Variants in SH3RF1 observed in about 807,000 individuals in gnomAD.
SH3RF1 encodes the protein SH3 domain containing ring finger 1, also known as E3 ubiquitin-protein ligase SH3RF1.
In SH3RF1, 32 loss-of-function variants were observed where a neutral mutation model predicts 74.0. The ratio of observed to expected loss-of-function variants is 0.43; its 90% CI spans 0.33 to 0.58. The LOEUF (loss-of-function observed/expected upper bound fraction) is 0.58, where lower values mean the gene tolerates loss of function less well. Among genes scored for constraint, SH3RF1 ranks in the 20% least tolerant of loss-of-function variants. The pLI is 0.05. For synonymous variants in SH3RF1, 396 were observed against 439.6 expected, an observed-to-expected ratio of 0.90 and a Z score of 1.24; for missense variants, 954 against 1,130.9, an observed-to-expected ratio of 0.84 and a Z score of 2.24.
At chr4:169,238,567 T>A (rs17054845) in intron 2 of SH3RF1, among the ~76,000 whole-genome samples, 9,354 of 152,246 alleles carry the variant, frequency 0.061, 433 homozygotes, top group Admixed American at 0.15. Flanking sequence ...GAAGTGACTT[T>A]CCAAAAATTG....
intron 3 of SH3RF1, 29 bp from the exon 4 acceptor site, chr4:169,155,604 C>T: frequency 6.7e-7 from 1 of 1,485,096 alleles, no homozygotes; most frequent in Non-Finnish European, 9.4e-7. Context: ...ATTAATCTAC[C>T]TGATCATTAA....
intron 4 of SH3RF1, among the ~76,000 whole-genome samples, chr4:169,147,322 G>A (rs981269380): frequency 6.6e-6 from 1 of 152,208 alleles, no homozygotes; most frequent in Admixed American, 6.5e-5. Context: ...AGGAGGTTAT[G>A]AACATGGAAT....
At chr4:169,209,768 T>C (rs1730327417) in intron 2 of SH3RF1, among the ~76,000 whole-genome samples, 1 of 152,096 alleles carries the variant, frequency 6.6e-6, no homozygotes, top group South Asian at 2.1e-4. Context: ...ATGCAATAAA[T>C]GTTAACTGCT....
At chr4:169,238,794 T>C (rs1317123694) in intron 2 of SH3RF1, among the ~76,000 whole-genome samples, 3 of 152,234 alleles carry the variant, frequency 2.0e-5, no homozygotes, top group Non-Finnish European at 2.9e-5. Context: ...CTATAAAGAA[T>C]TCTCTTATTA....
rs766573781 is a variant in SH3RF1, at chr4:169,156,683, T to C, written c.394-4A>G. 2.3e-6 allele frequency: 3 copies of C among 1,333,274 alleles called. No individual in the cohort carries two copies. Among genetic ancestry groups the C allele is most frequent in the African/African-American group, 1.5e-5 (1 of 67,010 alleles). The allele number at this position is 1,333,274 out of a possible 1,614,324, so 82.6% of individuals were successfully genotyped here. On this transcript the variant is annotated splice_polypyrimidine_tract_variant and splice_region_variant and intron_variant, in intron 2 of 11. Coordinates refer to ENST00000284637, the MANE Select transcript of SH3RF1 (RefSeq NM_020870.4). ...CACATGGTAACTGAGGTATACCCTT[T>C]AAAAAAAAAAGAGGGATGAATTTTA...
At chr4:169,150,424 C>T (rs547559592) in intron 4 of SH3RF1, among the ~76,000 whole-genome samples, 2 of 152,236 alleles carry the variant, frequency 1.3e-5, no homozygotes, top group African/African-American at 4.8e-5. Flanking sequence ...TATGTATACA[C>T]TGTGGAATGG....
intron 2 of SH3RF1, among the ~76,000 whole-genome samples, chr4:169,186,338 T>G (rs1326240658): frequency 1.3e-5 from 2 of 152,000 alleles, no homozygotes; most frequent in African/African-American, 4.8e-5. Flanking sequence ...CATGTACCCA[T>G]GAACTTAAAA....
At chr4:169,140,370 C>G (rs1434049986) in intron 4 of SH3RF1, among the ~76,000 whole-genome samples, 1 of 152,148 alleles carries the variant, frequency 6.6e-6, no homozygotes, top group Admixed American at 6.5e-5. Context: ...ACACTCATCA[C>G]CTGCAAAATA....
chr4:169,145,751 A>G (rs1167475210), intron 4 of SH3RF1, among the ~76,000 whole-genome samples: 2 of 144,774 alleles, frequency 1.4e-5, no homozygotes, highest in African/African-American at 5.0e-5. Flanking sequence ...TGGTCTAAAA[A>G]CTATATAAAA....
intron 1 of SH3RF1, 194 bp downstream of exon 1, chr4:169,270,665 C>T (rs1035068708): frequency 6.6e-6 from 1 of 152,292 alleles, no homozygotes; most frequent in African/African-American, 2.4e-5. Context: ...GCTTCCTGCC[C>T]GGAGAAGGCA....
chr4:169,190,669 T>C (rs888245918), intron 2 of SH3RF1, among the ~76,000 whole-genome samples: 8 of 151,670 alleles, frequency 5.3e-5, no homozygotes, highest in Admixed American at 2.0e-4. Context: ...CCCAGTCCTA[T>C]TGACACTATT....
intron 8 of SH3RF1, among the ~76,000 whole-genome samples, chr4:169,119,990 A>C (rs2126945439): frequency 6.6e-6 from 1 of 152,296 alleles, no homozygotes; most frequent in African/African-American, 2.4e-5. Flanking sequence ...TTGCATATCT[A>C]AAGCTCCTGT....
chr4:169,117,483 C>T, intron 9 of SH3RF1, 40 bp downstream of exon 9: 1 of 1,602,860 alleles, frequency 6.2e-7, no homozygotes, highest in Non-Finnish European at 8.5e-7. Flanking sequence ...GGCAGGTAAG[C>T]CCTTTATCCT....
At chr4:169,148,924 G>C (rs1733934305) in intron 4 of SH3RF1, among the ~76,000 whole-genome samples, 2 of 152,062 alleles carry the variant, frequency 1.3e-5, no homozygotes, top group Admixed American at 6.6e-5. Context: ...TAGGGCCCTG[G>C]GTACATGTAG....
chr4:169,179,224 T>C (rs543228184), intron 2 of SH3RF1, among the ~76,000 whole-genome samples: 1 of 152,318 alleles, frequency 6.6e-6, no homozygotes, highest in Admixed American at 6.5e-5. Flanking sequence ...GATGCAACTT[T>C]GCTGGCTTTG....
chr4:169,176,088 AC>A (rs1253199897), intron 2 of SH3RF1, among the ~76,000 whole-genome samples: 2 of 152,194 alleles, frequency 1.3e-5, no homozygotes, highest in African/African-American at 4.8e-5. Flanking sequence ...CAGGATGAGA[AC>A]CTTCACCAAG....
chr4:169,107,953 T>TTTTG (rs138675771), intron 10 of SH3RF1, among the ~76,000 whole-genome samples: 15 of 152,202 alleles, frequency 9.9e-5, no homozygotes, highest in South Asian at 4.1e-4. Context: ...ATAAGCGTGT[T>TTTTG]TTTGTTTGTT....
chr4:169,206,198 A>G (rs560823701), intron 2 of SH3RF1, among the ~76,000 whole-genome samples: 2 of 152,368 alleles, frequency 1.3e-5, no homozygotes, highest in East Asian at 3.9e-4. Context: ...AACCTATGGA[A>G]TCTTCACTGC....
chr4:169,145,796 A>G (rs1733867949), intron 4 of SH3RF1, among the ~76,000 whole-genome samples: 4 of 130,834 alleles, frequency 3.1e-5, no homozygotes. Flanking sequence ...ATATTATTCT[A>G]TATAAAATAT....
Sources: allele counts gnomAD v4.1 joint callset (sites outside exome capture counted in the v4.1 genomes callset), GRCh38; gene constraint gnomAD v4.1.1; transcripts MANE v1.5; gene names NCBI Gene and HGNC (gene_info 2026-07-23, HGNC 2026-07-21).